Variants in ADAM19 observed in about 807,000 individuals in gnomAD.
ADAM19 encodes the protein disintegrin and metalloproteinase domain-containing protein 19.
In ADAM19, 65 loss-of-function variants were observed where a neutral mutation model predicts 114.7. That is an observed-to-expected ratio of 0.57 (90% CI 0.46 to 0.70). The LOEUF (loss-of-function observed/expected upper bound fraction) is 0.70, where lower values mean the gene tolerates loss of function less well. Among genes scored for constraint, ADAM19 ranks in the 30% least tolerant of loss-of-function variants. The pLI is 0.00. For missense variants in ADAM19, 1,063 were observed against 1,204.7 expected, an observed-to-expected ratio of 0.88 and a Z score of 1.74; for synonymous variants, 466 against 460.5, an observed-to-expected ratio of 1.01 and a Z score of -0.15.
At chr5:157,573,428 G>C (rs553362088) in intron 1 of ADAM19, among the ~76,000 whole-genome samples, 1 of 152,176 alleles carries the variant, frequency 6.6e-6, no homozygotes, top group Non-Finnish European at 1.5e-5. Flanking sequence ...GTCTGACAGA[G>C]ATGTAAGTGA....
At chr5:157,489,792 C>A (rs769528186) in intron 19 of ADAM19, among the ~76,000 whole-genome samples, 1 of 152,156 alleles carries the variant, frequency 6.6e-6, no homozygotes, top group Non-Finnish European at 1.5e-5. Flanking sequence ...TCGAGACCAG[C>A]CTGGTCAACA....
chr5:157,541,859 CCTT>C (rs539552735), intron 3 of ADAM19, among the ~76,000 whole-genome samples: 51 of 152,322 alleles, frequency 3.3e-4, no homozygotes, highest in Middle Eastern at 6.8e-3. Flanking sequence ...GGAGCTCAAA[CCTT>C]CTTCCTCCTG....
chr5:157,521,725 G>A (rs764552284), intron 5 of ADAM19, among the ~76,000 whole-genome samples: 3 of 152,198 alleles, frequency 2.0e-5, no homozygotes, highest in Non-Finnish European at 4.4e-5. Context: ...GCGTGGCAAG[G>A]AGCAAGGGTC....
At chr5:157,486,854 T>C (rs1754951335) in intron 21 of ADAM19, among the ~76,000 whole-genome samples, 1 of 151,984 alleles carries the variant, frequency 6.6e-6, no homozygotes, top group South Asian at 2.1e-4. Flanking sequence ...GTGACCATAT[T>C]TAGAGATAAG....
intron 5 of ADAM19, among the ~76,000 whole-genome samples, chr5:157,525,528 T>C (rs1756428487): frequency 6.6e-6 from 1 of 152,202 alleles, no homozygotes; most frequent in Non-Finnish European, 1.5e-5. Flanking sequence ...CCAGCTCTCC[T>C]AATGTTCAGG....
At chr5:157,501,303 C>G (rs1755555011) in intron 12 of ADAM19, among the ~76,000 whole-genome samples, 1 of 152,172 alleles carries the variant, frequency 6.6e-6, no homozygotes, top group African/African-American at 2.4e-5. Context: ...GATATGGGCT[C>G]CAGGTCACCT....
chr5:157,575,558 T>C, intron 1 of ADAM19, 45 bp downstream of exon 1: 1 of 1,394,890 alleles, frequency 7.2e-7, no homozygotes, highest in Non-Finnish European at 9.4e-7. Context: ...TACTCCCAGG[T>C]CTCCGGGCCA....
At chr5:157,564,793 G>A (rs972484030) in intron 2 of ADAM19, among the ~76,000 whole-genome samples, 3 of 152,182 alleles carry the variant, frequency 2.0e-5, no homozygotes, top group Non-Finnish European at 4.4e-5. Flanking sequence ...ACCTGCAGCT[G>A]TGTGAAGTCG....
chr5:157,480,907 G>A lies in ADAM19; in HGVS notation c.*42C>T. 1.2e-6 allele frequency: 2 copies of A among 1,613,892 alleles called. No individual in the cohort carries two copies. The highest frequency in any genetic ancestry group is 1.7e-6 in the Non-Finnish European group (2 of 1,179,932). Reference sequence around the variant, plus strand: ...TCCATGGCCATGGGTCCTCTGCAGTGTCCAGAGAGCTCAAGGAAAGGGAGA... The same window carrying A: ...TCCATGGCCATGGGTCCTCTGCAGTATCCAGAGAGCTCAAGGAAAGGGAGA... On this transcript the variant is annotated 3_prime_UTR_variant, in exon 23 of 23. Transcript: ENST00000257527.
At chr5:157,572,157 C>G (rs998658712) in intron 1 of ADAM19, 2 of 323,694 alleles carry the variant, frequency 6.2e-6, no homozygotes, top group South Asian at 2.4e-5. Context: ...GTGATCTCGG[C>G]TCACTGCAAG....
At chr5:157,565,710 CA>C (rs111680236) in intron 2 of ADAM19, among the ~76,000 whole-genome samples, 4,144 of 103,440 alleles carry the variant, frequency 0.04, 59 homozygotes, top group Middle Eastern at 0.094. Flanking sequence ...CACTCTCTCT[CA>C]AAAAAAAAAA....
rs749561806 is a variant in ADAM19 at position 157,479,670 on chromosome 5, T to A, written c.*1279A>T. On this transcript the variant is annotated 3_prime_UTR_variant, in exon 23 of 23. Coordinates refer to ENST00000257527, the MANE Select transcript of ADAM19 (RefSeq NM_033274.5). ...TGACCAGAGAGAGAACAAAAGGAAGTGAATGACAAAAAGCTGGGTTGAGGA... is the reference window on the plus strand; with the variant it reads ...TGACCAGAGAGAGAACAAAAGGAAGAGAATGACAAAAAGCTGGGTTGAGGA... 6.4e-5 allele frequency: 63 copies of A among 985,712 alleles called. No individual in the cohort carries two copies. Among genetic ancestry groups the A allele is most frequent in the South Asian group, 1.4e-4 (3 of 21,272 alleles). 61.1% of individuals were successfully genotyped at this position (985,712 alleles called of 1,614,324 possible).
Position 157,518,817 on chromosome 5 carries a change from C to A in ADAM19, c.666+6G>T, listed in dbSNP as rs761701277. 3.1e-6 allele frequency: 5 copies of A among 1,612,544 alleles called. No individual in the cohort carries two copies. The highest frequency in any genetic ancestry group is 4.2e-6 in the Non-Finnish European group (5 of 1,178,618). On this transcript the variant is annotated splice_donor_region_variant and intron_variant, in intron 7 of 22. Coordinates refer to ENST00000257527, the MANE Select transcript of ADAM19 (RefSeq NM_033274.5). ...TTTTCTGCAAGACCCATTGCCTCCC[C>A]CTTACCTCTAAATAATCAGCCACGA...
At chr5:157,534,561 G>C (rs1350189347) in intron 4 of ADAM19, among the ~76,000 whole-genome samples, 1 of 152,174 alleles carries the variant, frequency 6.6e-6, no homozygotes, top group Non-Finnish European at 1.5e-5. Flanking sequence ...GGGAGGCCAA[G>C]GCAAGAGGAT....
chr5:157,508,422 A>G (rs1401679718), intron 9 of ADAM19, among the ~76,000 whole-genome samples: 1 of 152,194 alleles, frequency 6.6e-6, no homozygotes, highest in African/African-American at 2.4e-5. Flanking sequence ...CAGCTTGGCC[A>G]ACATGGCAAA....
Position 157,510,468 on chromosome 5 carries a change from G to A in ADAM19, c.739-1001C>T, listed in dbSNP as rs184862352. ...CAGCCTGGGCCACGGGCGAAACTCC[G>A]TCTCAAAAAAAAATAAAAATAAAAT... On this transcript the variant is annotated intron_variant, in intron 8 of 22. Coordinates refer to ENST00000257527, the MANE Select transcript of ADAM19 (RefSeq NM_033274.5). Among the ~76,000 whole-genome samples, 866 of 152,030 alleles carry A rather than the reference G, an allele frequency of 5.7e-3. 8 individuals are homozygous for A. Among genetic ancestry groups the A allele is most frequent in the Non-Finnish European group, 6.8e-3 (463 of 67,968 alleles).
At position 157,537,536 on chromosome 5, in the gene ADAM19, G is replaced by C. The variant is rs146001748; in HGVS notation, c.330+377C>G. Among the ~76,000 whole-genome samples, 297 of 152,242 alleles carry C rather than the reference G, an allele frequency of 2.0e-3. 3 individuals carry two copies. Among genetic ancestry groups the C allele is most frequent in the African/African-American group, 6.8e-3 (284 of 41,532 alleles). ...AAATGTTATACATCCATTTAAAAAG[G>C]ACTAATCAAACATCTAATTGGATGA... is the stretch of plus-strand genomic sequence containing the variant. On this transcript the variant is annotated intron_variant, in intron 4 of 22. Coordinates refer to ENST00000257527, the MANE Select transcript of ADAM19 (RefSeq NM_033274.5).
intron 21 of ADAM19, among the ~76,000 whole-genome samples, chr5:157,488,006 G>T (rs556939352): frequency 6.6e-6 from 1 of 152,228 alleles, no homozygotes; most frequent in East Asian, 1.9e-4. Context: ...AGTTAATATG[G>T]GGTGGAAGGT....
chr5:157,508,880 G>A (rs1229553325), intron 9 of ADAM19, among the ~76,000 whole-genome samples: 2 of 152,204 alleles, frequency 1.3e-5, no homozygotes. Flanking sequence ...GGAACCAAGT[G>A]AAGGACAACA....
Sources: allele counts gnomAD v4.1 joint callset (sites outside exome capture counted in the v4.1 genomes callset), GRCh38; gene constraint gnomAD v4.1.1; transcripts MANE v1.5; gene names NCBI Gene and HGNC (gene_info 2026-07-23, HGNC 2026-07-21).